Variants in FBXO34 observed in about 807,000 individuals in gnomAD.
FBXO34 encodes the protein F-box only protein 34.
FBXO34 carries 12 observed loss-of-function variants against 24.5 expected under a neutral mutation model. The ratio of observed to expected loss-of-function variants is 0.49; its 90% CI spans 0.31 to 0.79. The LOEUF (loss-of-function observed/expected upper bound fraction) is 0.79, where lower values mean the gene tolerates loss of function less well. FBXO34 is among the 30% of genes least tolerant of loss of function. The pLI, the probability that FBXO34 is intolerant of heterozygous loss-of-function variation, is 0.04. For missense variants in FBXO34, 823 were observed against 857.7 expected (o/e 0.96, Z 0.51); for synonymous variants, 320 against 311.9 (o/e 1.03, Z -0.27).
downstream of FBXO34, among the ~76,000 whole-genome samples, chr14:55,362,775 G>A (rs1388645503): frequency 6.6e-6 from 1 of 151,940 alleles, no homozygotes; most frequent in Non-Finnish European, 1.5e-5. Flanking sequence ...CAAACCACTT[G>A]GCACTTTCAT....
intron 1 of FBXO34, among the ~76,000 whole-genome samples, chr14:55,277,495 T>A (rs576084715): frequency 1.1e-4 from 16 of 152,104 alleles, no homozygotes; most frequent in Admixed American, 2.6e-4. Flanking sequence ...TGCTTTTTTT[T>A]TTATTATTAT....
intron 1 of FBXO34, among the ~76,000 whole-genome samples, chr14:55,281,571 C>T (rs1881543883): frequency 6.6e-6 from 1 of 152,144 alleles, no homozygotes; most frequent in African/African-American, 2.4e-5. Flanking sequence ...TTCTGGGACT[C>T]CCTGCAATAA....
rs1219144154 is a variant in FBXO34, at chr14:55,281,047, A to T, written c.-11+9510A>T. ...AGAACATGATTTCACATTGAAATCAATATAAAAATTACTGAAATAGTTTAC... is the reference window on the plus strand; with the variant it reads ...AGAACATGATTTCACATTGAAATCATTATAAAAATTACTGAAATAGTTTAC... On this transcript the variant is annotated intron_variant, in intron 1 of 1. Coordinates refer to ENST00000313833, the MANE Select transcript of FBXO34 (RefSeq NM_017943.4). Among the ~76,000 whole-genome samples the T allele has an allele frequency of 2.0e-5, 3 of 152,180 alleles. No homozygotes were observed. In the East Asian group the frequency reaches 5.8e-4, roughly 29 times the overall value.
At chr14:55,403,747 T>C in the FBXO34 span, among the ~76,000 whole-genome samples, 1 of 152,184 alleles carries the variant, frequency 6.6e-6, no homozygotes, top group Non-Finnish European at 1.5e-5. Context: ...GCAGAGAATA[T>C]GCATAGGATA....
chr14:55,307,059 A>G (rs936649301), intron 1 of FBXO34, among the ~76,000 whole-genome samples: 15 of 152,222 alleles, frequency 9.9e-5, no homozygotes, highest in African/African-American at 3.6e-4. Context: ...GCTCTCATGA[A>G]AGTAAGACTG....
chr14:55,362,071 C>T (rs1409772929), downstream of FBXO34, among the ~76,000 whole-genome samples: 1 of 152,204 alleles, frequency 6.6e-6, no homozygotes. Flanking sequence ...GCCTTCCTTA[C>T]TAAGCTTAAT....
chr14:55,346,065 G>A (rs929234963), intron 1 of FBXO34, among the ~76,000 whole-genome samples: 1 of 152,146 alleles, frequency 6.6e-6, no homozygotes, highest in African/African-American at 2.4e-5. Context: ...TTGTAGGTTG[G>A]AGGTTAGTAT....
At chr14:55,324,122 A>C (rs10162549) in intron 1 of FBXO34, among the ~76,000 whole-genome samples, 152,136 of 152,136 alleles carry the variant, frequency 1, 76,068 homozygotes, top group Non-Finnish European at 1. Context: ...CCTAGGCAAC[A>C]ACTGTTGTAC....
At chr14:55,328,413 C>T (rs72717706) in intron 1 of FBXO34, among the ~76,000 whole-genome samples, 1,709 of 152,252 alleles carry the variant, frequency 0.011, 14 homozygotes, top group Middle Eastern at 0.027. Context: ...ACACAAGCAC[C>T]GTAACAATAG....
the FBXO34 span, among the ~76,000 whole-genome samples, chr14:55,382,495 A>AT: frequency 4.0e-5 from 6 of 151,332 alleles, no homozygotes; most frequent in East Asian, 7.8e-4. Flanking sequence ...AACTTAAAAA[A>AT]TTTTTTTTTG....
chr14:55,383,828 T>C, the FBXO34 span, among the ~76,000 whole-genome samples: 1 of 151,630 alleles, frequency 6.6e-6, no homozygotes, highest in African/African-American at 2.4e-5. Context: ...GGGAAGAACA[T>C]AGCATGCTTG....
intron 1 of FBXO34, among the ~76,000 whole-genome samples, chr14:55,347,223 GAGCT>G (rs527416456): frequency 9.2e-5 from 14 of 152,178 alleles, no homozygotes; most frequent in Non-Finnish European, 1.9e-4. Context: ...AACCTAGCTG[GAGCT>G]TTACCCCACC....
intron 1 of FBXO34, among the ~76,000 whole-genome samples, chr14:55,280,287 A>C (rs998203668): frequency 1.3e-5 from 2 of 152,296 alleles, no homozygotes; most frequent in Non-Finnish European, 2.9e-5. Context: ...ATAGCCCTCT[A>C]TCTGTGGGTT....
the FBXO34 span, among the ~76,000 whole-genome samples, chr14:55,416,394 C>A: frequency 4.0e-5 from 6 of 151,734 alleles, no homozygotes; most frequent in African/African-American, 1.2e-4. Flanking sequence ...GAGTTTGAGA[C>A]CAGCCCGGGT....
chr14:55,363,508 A>C (rs1418467068), downstream of FBXO34, among the ~76,000 whole-genome samples: 1 of 148,094 alleles, frequency 6.8e-6, no homozygotes, highest in Admixed American at 6.8e-5. Context: ...TTGTATTTTT[A>C]GTAGAGATGT....
chr14:55,279,349 A>G (rs1229993468), intron 1 of FBXO34, among the ~76,000 whole-genome samples: 4 of 152,062 alleles, frequency 2.6e-5, no homozygotes, highest in Admixed American at 6.6e-5. Context: ...GGTGATGAGT[A>G]TTATTACTAT....
chr14:55,362,059 A>G (rs531738420), downstream of FBXO34: 5 of 152,338 alleles, frequency 3.3e-5, no homozygotes, highest in East Asian at 1.9e-4. Context: ...GGCTTTTGAC[A>G]TGCCTTCCTT....
chr14:55,358,455 AC>A (rs1884551247), downstream of FBXO34, among the ~76,000 whole-genome samples: 1 of 151,950 alleles, frequency 6.6e-6, no homozygotes, highest in African/African-American at 2.4e-5. Context: ...GCATCCTCCC[AC>A]CCTCTGTACT....
At chr14:55,355,558 C>T (rs527514657), downstream of FBXO34, among the ~76,000 whole-genome samples, 1 of 152,152 alleles carries the variant, frequency 6.6e-6, no homozygotes, top group Non-Finnish European at 1.5e-5. Context: ...TGTCATTATT[C>T]CCTAAACAAT....
Sources: gnomAD v4.1 joint callset for allele counts (sites outside exome capture counted in the v4.1 genomes callset) on GRCh38, gnomAD v4.1.1 for gene constraint, MANE v1.5 for transcripts, NCBI Gene and HGNC (gene_info 2026-07-23, HGNC 2026-07-21) for gene names.